Variants in CUX2 observed in about 807,000 individuals in gnomAD.
CUX2 encodes homeobox protein cut-like 2.
Under a neutral mutation model 144.8 loss-of-function variants are expected in CUX2, and 40 were observed. The ratio of observed to expected loss-of-function variants is 0.28; its 90% CI spans 0.21 to 0.36. The LOEUF (loss-of-function observed/expected upper bound fraction) is 0.36, where lower values mean the gene tolerates loss of function less well. Ranked by LOEUF, CUX2 falls within the 10% of genes least tolerant of loss-of-function variation. The pLI is 1.00. For synonymous variants in CUX2, 827 were observed against 875.6 expected (o/e 0.94, Z 0.98); for missense variants, 1,615 against 1,994.0 (o/e 0.81, Z 3.62).
intron 3 of CUX2, among the ~76,000 whole-genome samples, chr12:111,236,956 C>A (rs1286983892): frequency 6.6e-6 from 1 of 152,144 alleles, no homozygotes; most frequent in African/African-American, 2.4e-5. Flanking sequence ...TGAGACCAGC[C>A]TTGGCAACAT....
intron 4 of CUX2, among the ~76,000 whole-genome samples, chr12:111,265,056 A>G (rs1884310369): frequency 6.6e-6 from 1 of 152,186 alleles, no homozygotes; most frequent in South Asian, 2.1e-4. Flanking sequence ...TGTTCACGTT[A>G]AAATGATAAA....
chr12:111,259,302 A>T (rs757606390), intron 3 of CUX2, among the ~76,000 whole-genome samples: 1 of 152,174 alleles, frequency 6.6e-6, no homozygotes, highest in African/African-American at 2.4e-5. Context: ...GGGGCCAGAT[A>T]GAAAATATTT....
At chr12:111,282,199 G>GTA (rs1290430715) in intron 4 of CUX2, among the ~76,000 whole-genome samples, 6 of 151,978 alleles carry the variant, frequency 3.9e-5, no homozygotes, top group Non-Finnish European at 8.8e-5. Context: ...GTGGGCGCCT[G>GTA]TAGCCCCAGC....
At chr12:111,231,366 T>A (rs1267918649) in intron 3 of CUX2, among the ~76,000 whole-genome samples, 1 of 152,254 alleles carries the variant, frequency 6.6e-6, no homozygotes, top group Admixed American at 6.5e-5. Flanking sequence ...ACATGTGGTA[T>A]TACATTTATG....
At chr12:111,084,793 G>T (rs1038227661) in intron 1 of CUX2, among the ~76,000 whole-genome samples, 5 of 152,148 alleles carry the variant, frequency 3.3e-5, no homozygotes, top group African/African-American at 9.7e-5. Flanking sequence ...GGGCCACGTG[G>T]CGGGCGGGCT....
intron 1 of CUX2, among the ~76,000 whole-genome samples, chr12:111,212,687 C>G (rs899122784): frequency 6.6e-6 from 1 of 152,222 alleles, no homozygotes; most frequent in Non-Finnish European, 1.5e-5. Context: ...CTACCTTCTC[C>G]CTTCTAGTCT....
chr12:111,266,926 C>T (rs1420332711), intron 4 of CUX2, among the ~76,000 whole-genome samples: 6 of 152,194 alleles, frequency 3.9e-5, no homozygotes, highest in East Asian at 1.9e-4. Context: ...CCGCAGGTGG[C>T]GGCTCATGCC....
chr12:111,273,149 G>C (rs1438894605), intron 4 of CUX2, among the ~76,000 whole-genome samples: 1 of 152,172 alleles, frequency 6.6e-6, no homozygotes, highest in Admixed American at 6.5e-5. Context: ...CAGAAAGCAG[G>C]CTTCAAGGAA....
chr12:111,163,377 G>A (rs765685361), intron 1 of CUX2, among the ~76,000 whole-genome samples: 10 of 152,278 alleles, frequency 6.6e-5, no homozygotes, highest in Non-Finnish European at 1.2e-4. Flanking sequence ...GAATAGTGAC[G>A]GTGGACAGTA....
At chr12:111,089,672 C>T (rs1320832896) in intron 1 of CUX2, among the ~76,000 whole-genome samples, 2 of 152,208 alleles carry the variant, frequency 1.3e-5, no homozygotes, top group African/African-American at 2.4e-5. Flanking sequence ...GATGGCTGGG[C>T]ATTCCTAGGT....
intron 16 of CUX2, among the ~76,000 whole-genome samples, chr12:111,313,872 C>G (rs985828704): frequency 6.6e-6 from 1 of 152,162 alleles, no homozygotes; most frequent in African/African-American, 2.4e-5. Flanking sequence ...CATCCTCACA[C>G]CCAGCACAGC....
intron 3 of CUX2, among the ~76,000 whole-genome samples, chr12:111,233,990 C>G (rs772536837): frequency 1.3e-5 from 2 of 151,900 alleles, no homozygotes; most frequent in Non-Finnish European, 2.9e-5. Flanking sequence ...GATGGCCCTC[C>G]TAGGAGGTTC....
At chr12:111,281,649 A>T (rs755950532) in intron 4 of CUX2, among the ~76,000 whole-genome samples, 5 of 152,194 alleles carry the variant, frequency 3.3e-5, no homozygotes, top group Non-Finnish European at 5.9e-5. Flanking sequence ...CCAGCTTCAG[A>T]CTCATCACTG....
Position 111,059,810 on chromosome 12 carries a change from G to T in CUX2, c.63+25570G>T, listed in dbSNP as rs889595764. Among the ~76,000 whole-genome samples, 1 of 152,068 alleles carries T rather than the reference G, an allele frequency of 6.6e-6. No homozygotes were observed. Among genetic ancestry groups the T allele is most frequent in the Non-Finnish European group, 1.5e-5 (1 of 67,992 alleles). ...GCCGAGGGTGGGGGCAGTGAGGGAG[G>T]TGTTGGGGAGAGCATGGGCCCCTTT... On this transcript the variant is annotated intron_variant, in intron 1 of 21. Coordinates refer to ENST00000261726, the MANE Select transcript of CUX2 (RefSeq NM_015267.4). The surrounding 1 kb of genome is among the most constrained non-coding windows in gnomAD (Gnocchi z 5.3).
chr12:111,343,101 A>C (rs1227368543), intron 21 of CUX2, among the ~76,000 whole-genome samples: 1 of 151,966 alleles, frequency 6.6e-6, no homozygotes, highest in Non-Finnish European at 1.5e-5. Flanking sequence ...TTGGGGGTAC[A>C]GGCCTGAGGA....
intron 1 of CUX2, among the ~76,000 whole-genome samples, chr12:111,073,723 G>A (rs1471059902): frequency 2.6e-5 from 4 of 152,054 alleles, no homozygotes; most frequent in Admixed American, 6.5e-5. Context: ...GCTTTGGGAC[G>A]CCAAAGCAGG....
intron 15 of CUX2, among the ~76,000 whole-genome samples, chr12:111,311,753 C>T (rs867131190): frequency 2.8e-4 from 43 of 152,002 alleles, no homozygotes; most frequent in Admixed American, 8.5e-4. Context: ...TGCAAGCCAC[C>T]ATGCTTGGCT....
In CUX2 at chr12:111,304,135, C is replaced by A; in HGVS notation, c.754-75C>A. On this transcript the variant is annotated intron_variant, in intron 9 of 21. Coordinates refer to ENST00000261726, the MANE Select transcript of CUX2 (RefSeq NM_015267.4). This position sits in a 1 kb window ranked among gnomAD's most constrained non-coding sequence, Gnocchi z 4.7. ...CGGAGGTCTGCCTCCCCAACCCCTGCCTGAAACAGTGCAGGGAGAAGGTGG... is the reference window on the plus strand; with the variant it reads ...CGGAGGTCTGCCTCCCCAACCCCTGACTGAAACAGTGCAGGGAGAAGGTGG... 1 of 1,259,694 alleles carries A rather than the reference C, an allele frequency of 7.9e-7. No individual in the cohort carries two copies. The highest frequency in any genetic ancestry group is 1.1e-6 in the Non-Finnish European group (1 of 883,344). The allele number at this position is 1,259,694 out of a possible 1,614,324, so 78.0% of individuals were successfully genotyped here. A position where few individuals can be genotyped will look rare whatever the true frequency, so the allele number is the denominator to read the frequency against.
At chr12:111,116,220 G>A (rs907536277) in intron 1 of CUX2, among the ~76,000 whole-genome samples, 3 of 152,128 alleles carry the variant, frequency 2.0e-5, no homozygotes, top group Admixed American at 2.0e-4. Flanking sequence ...TTTATCTGGG[G>A]GAACGAAAGA....
Sources: allele counts gnomAD v4.1 joint callset (sites outside exome capture counted in the v4.1 genomes callset), GRCh38; gene constraint gnomAD v4.1.1; non-coding constraint Gnocchi (gnomAD v3.1); transcripts MANE v1.5; gene names NCBI Gene and HGNC (gene_info 2026-07-23, HGNC 2026-07-21).